The following SLC24A4 variants were observed in gnomAD, a reference collection of about 807,000 sequenced individuals.
The protein encoded by SLC24A4 is solute carrier family 24 member 4.
SLC24A4 carries 53 observed loss-of-function variants against 79.0 expected under a neutral mutation model. The ratio of observed to expected loss-of-function variants is 0.67; its 90% CI spans 0.54 to 0.84. The LOEUF is 0.84. SLC24A4 is among the 40% of genes least tolerant of loss of function. The pLI is 0.00. For missense variants in SLC24A4, 731 were observed against 822.0 expected (o/e 0.89, Z 1.35); for synonymous variants, 323 against 323.8 (o/e 1.00, Z 0.03).
At position 92,482,860 on chromosome 14, in the gene SLC24A4, G is replaced by A. The variant is rs1210749288; in HGVS notation, c.1422+14G>A. 1 of 1,602,382 alleles carries A rather than the reference G, an allele frequency of 6.2e-7. No homozygotes were observed. The highest frequency in any genetic ancestry group is 2.2e-5 in the East Asian group (1 of 44,598). Reference sequence around the variant, plus strand: ...ATGGTGTGGCTGGTGAGTGGGGGGAGCAGGGGGTGGACTGTGTGCACAGCC... The same window carrying A: ...ATGGTGTGGCTGGTGAGTGGGGGGAACAGGGGGTGGACTGTGTGCACAGCC... On this transcript the variant is annotated intron_variant, in intron 13 of 16. Coordinates refer to ENST00000532405, the MANE Select transcript of SLC24A4 (RefSeq NM_153646.4).
At chr14:92,425,992 A>G (rs1195281500) in intron 2 of SLC24A4, among the ~76,000 whole-genome samples, 2 of 152,064 alleles carry the variant, frequency 1.3e-5, no homozygotes, top group Non-Finnish European at 2.9e-5. Flanking sequence ...CAATCAATCA[A>G]TCAATCAGTC....
At position 92,400,666 on chromosome 14, in the gene SLC24A4, A is replaced by C. The variant is rs564823797; in HGVS notation, c.242-33246A>C. ...ATTGAGTAATTATAACTGAGAATGT[A>C]ATCCTCTTTCAGATGAGACCATGTC... is the stretch of plus-strand genomic sequence containing the variant. On this transcript the variant is annotated intron_variant, in intron 2 of 16. Transcript: ENST00000532405. Among the ~76,000 whole-genome samples the C allele has an allele frequency of 1.3e-5, 2 of 152,256 alleles. 1 individual carries two copies. Among genetic ancestry groups the C allele is most frequent in the South Asian group, 4.2e-4 (2 of 4,806 alleles).
chr14:92,324,236 C>G (rs985012053), intron 1 of SLC24A4, among the ~76,000 whole-genome samples: 4 of 152,182 alleles, frequency 2.6e-5, no homozygotes, highest in Non-Finnish European at 2.9e-5. Flanking sequence ...GAACCGCTTC[C>G]GTCCCGGGAG....
chr14:92,447,272 A>T (rs1892849649), intron 8 of SLC24A4, 99 bp from the exon 9 acceptor site: 2 of 1,068,286 alleles, frequency 1.9e-6, no homozygotes, highest in Non-Finnish European at 2.9e-6. Context: ...CGGGGGAGGT[A>T]AAGACATCCC....
intron 14 of SLC24A4, 99 bp downstream of exon 14, chr14:92,486,879 T>C: frequency 1.3e-6 from 1 of 768,714 alleles, no homozygotes; most frequent in Non-Finnish European, 2.1e-6. Flanking sequence ...CTCTTATGAC[T>C]GGCAGTTGTC....
chr14:92,382,337 T>C (rs1336060499), intron 2 of SLC24A4, among the ~76,000 whole-genome samples: 1 of 152,216 alleles, frequency 6.6e-6, no homozygotes, highest in African/African-American at 2.4e-5. Flanking sequence ...CTTCCATCTC[T>C]GCCTTAGGCA....
intron 9 of SLC24A4, among the ~76,000 whole-genome samples, chr14:92,447,806 A>C (rs1270211115): frequency 6.6e-6 from 1 of 152,216 alleles, no homozygotes; most frequent in Non-Finnish European, 1.5e-5. Flanking sequence ...CTTTTCAAAA[A>C]GCCAGGCAGG....
intron 12 of SLC24A4, among the ~76,000 whole-genome samples, chr14:92,470,212 T>C (rs1193584353): frequency 6.6e-6 from 1 of 152,198 alleles, no homozygotes; most frequent in Non-Finnish European, 1.5e-5. Context: ...TGCCAAATCA[T>C]TGTGAGTGTG....
intron 2 of SLC24A4, among the ~76,000 whole-genome samples, chr14:92,339,953 T>C (rs1355083896): frequency 6.6e-6 from 1 of 152,198 alleles, no homozygotes; most frequent in Non-Finnish European, 1.5e-5. Context: ...AGGAATAGGT[T>C]GAGAGAGGCA....
upstream of SLC24A4, chr14:92,323,090 G>GC (rs907752097): frequency 1.3e-5 from 2 of 152,390 alleles, no homozygotes; most frequent in Admixed American, 1.3e-4. The surrounding 1 kb of genome is among the most constrained non-coding windows in gnomAD (Gnocchi z 4.9). Flanking sequence ...GCTGGGAAGG[G>GC]CGGGGGGTGA....
intron 2 of SLC24A4, among the ~76,000 whole-genome samples, chr14:92,348,570 C>A (rs1180472058): frequency 6.6e-6 from 1 of 152,196 alleles, no homozygotes; most frequent in Non-Finnish European, 1.5e-5. Context: ...GGGCCCCTTC[C>A]ACTGAATCCA....
chr14:92,442,941 C>T, intron 6 of SLC24A4, 125 bp downstream of exon 6: 1 of 763,312 alleles, frequency 1.3e-6, no homozygotes, highest in Non-Finnish European at 2.2e-6. Flanking sequence ...ATTCTGGATA[C>T]ATTTGGGGCC....
intron 13 of SLC24A4, chr14:92,483,914 G>C: frequency 2.4e-6 from 3 of 1,276,530 alleles, no homozygotes; most frequent in Non-Finnish European, 3.1e-6. Flanking sequence ...AACGTTCCAT[G>C]CTGGCCCAGG....
chr14:92,449,344 C>G (rs1893011702), intron 10 of SLC24A4, 128 bp downstream of exon 10: 10 of 1,273,876 alleles, frequency 7.9e-6, no homozygotes, highest in Non-Finnish European at 1.1e-5. Flanking sequence ...TGTCCCCCCT[C>G]TAAATTGTCA....
chr14:92,441,967 G>A lies in SLC24A4; in HGVS notation c.394-122G>A, dbSNP rs537990933. On this transcript the variant is annotated intron_variant, in intron 4 of 16. Transcript: ENST00000532405. This position sits in a 1 kb window ranked among gnomAD's most constrained non-coding sequence, Gnocchi z 4.6. ...TGTGCCCAGGGGTGAGAGGCTGCAG[G>A]CAGACGAGTTTGCCTCTGGCTGCAG... 1.1e-4 allele frequency: 79 copies of A among 698,002 alleles called. 1 individual carries two copies. In the South Asian group the frequency reaches 1.3e-3, roughly 11 times the overall value. The allele number at this position is 698,002 out of a possible 1,614,324, so 43.2% of individuals were successfully genotyped here.
chr14:92,469,557 C>G (rs1894320775), intron 12 of SLC24A4, among the ~76,000 whole-genome samples: 1 of 152,074 alleles, frequency 6.6e-6, no homozygotes, highest in African/African-American at 2.4e-5. Flanking sequence ...AACAATTCCC[C>G]TCTTAGTTCT....
At chr14:92,428,634 A>G (rs559013344) in intron 2 of SLC24A4, among the ~76,000 whole-genome samples, 10 of 152,222 alleles carry the variant, frequency 6.6e-5, no homozygotes, top group Non-Finnish European at 1.0e-4. Flanking sequence ...TCTGCCGGAC[A>G]TGTTAGGTCT....
intron 3 of SLC24A4, among the ~76,000 whole-genome samples, chr14:92,437,619 C>T (rs1892248042): frequency 1.3e-5 from 2 of 152,232 alleles, no homozygotes; most frequent in South Asian, 4.1e-4. Flanking sequence ...GGGTTCTTTA[C>T]TCCATGAACC....
intron 2 of SLC24A4, among the ~76,000 whole-genome samples, chr14:92,350,955 CCTTGTG>C: frequency 6.6e-6 from 1 of 152,210 alleles, no homozygotes; most frequent in African/African-American, 2.4e-5. Flanking sequence ...TCTCTTTCTG[CCTTGTG>C]AGGATACAGT....
Sources: gnomAD v4.1 joint callset for allele counts (sites outside exome capture counted in the v4.1 genomes callset) on GRCh38, gnomAD v4.1.1 for gene constraint, Gnocchi (gnomAD v3.1) non-coding constraint, MANE v1.5 for transcripts, NCBI Gene and HGNC (gene_info 2026-07-23, HGNC 2026-07-21) for gene names.